The following CDC42SE2 variants were observed in gnomAD, a reference collection of about 807,000 sequenced individuals.
CDC42SE2 encodes CDC42 small effector protein 2.
A neutral mutation model predicts 11.5 loss-of-function variants in CDC42SE2; 3 were observed. The ratio of observed to expected loss-of-function variants is 0.26; its 90% CI spans 0.12 to 0.67. CDC42SE2 has a LOEUF of 0.67. CDC42SE2 is among the 30% of genes least tolerant of loss of function. The pLI is 0.80. For missense variants in CDC42SE2, 82 were observed against 106.8 expected, an observed-to-expected ratio of 0.77 and a Z score of 1.02; for synonymous variants, 33 against 34.8, an observed-to-expected ratio of 0.95 and a Z score of 0.18.
intron 1 of CDC42SE2, among the ~76,000 whole-genome samples, chr5:131,287,635 C>CT (rs940777864): frequency 7.3e-5 from 11 of 149,884 alleles, no homozygotes; most frequent in South Asian, 2.1e-4. Flanking sequence ...GCTTTTTTTT[C>CT]TTTTTTTTTG....
chr5:131,283,523 C>A (rs1270950748), intron 1 of CDC42SE2, among the ~76,000 whole-genome samples: 1 of 148,722 alleles, frequency 6.7e-6, no homozygotes, highest in Non-Finnish European at 1.5e-5. Flanking sequence ...GATGGAGTTT[C>A]GCTCTTGTTA....
intron 3 of CDC42SE2, among the ~76,000 whole-genome samples, chr5:131,379,996 C>T (rs1019606535): frequency 6.6e-6 from 1 of 150,804 alleles, no homozygotes; most frequent in Non-Finnish European, 1.5e-5. Flanking sequence ...TCACTGCAAC[C>T]TCTCCCCGCC....
At chr5:131,343,085 A>G (rs980446361) in intron 2 of CDC42SE2, among the ~76,000 whole-genome samples, 3 of 152,190 alleles carry the variant, frequency 2.0e-5, no homozygotes, top group African/African-American at 7.2e-5. Context: ...TTATTCAGAA[A>G]ACTGTACGTA....
upstream of CDC42SE2, chr5:131,263,551 T>C (rs1003005985): frequency 6.6e-6 from 1 of 152,242 alleles, no homozygotes; most frequent in Non-Finnish European, 1.5e-5. Flanking sequence ...TTCTGACTTT[T>C]ACATGAAAAA....
rs948516407 is a variant in CDC42SE2 at position 131,393,051 on chromosome 5, G to A, written c.*1960G>A. 45 of 152,324 alleles carry A rather than the reference G, an allele frequency of 3.0e-4. No homozygotes were observed. The highest frequency in any genetic ancestry group is 1.1e-3 in the African/African-American group (45 of 41,560). The allele number at this position is 152,324 out of a possible 1,614,324, so 9.4% of individuals were successfully genotyped here. A position where few individuals can be genotyped will look rare whatever the true frequency, so the allele number is the denominator to read the frequency against. On this transcript the variant is annotated 3_prime_UTR_variant, in exon 5 of 5. Coordinates refer to ENST00000505065, the MANE Select transcript of CDC42SE2 (RefSeq NM_001375635.1). ...TAAAGGTTTCTTCTTTTCTGTTAGAGTGTGGTGTTAAGCCAGAGTCAGTGG... is the reference window on the plus strand; with the variant it reads ...TAAAGGTTTCTTCTTTTCTGTTAGAATGTGGTGTTAAGCCAGAGTCAGTGG...
intron 3 of CDC42SE2, among the ~76,000 whole-genome samples, chr5:131,376,309 C>T (rs1050461391): frequency 6.6e-6 from 1 of 151,734 alleles, no homozygotes; most frequent in Non-Finnish European, 1.5e-5. Context: ...TGAGCAGTGG[C>T]TGAGACAAGA....
intron 2 of CDC42SE2, among the ~76,000 whole-genome samples, chr5:131,355,783 A>C (rs1749522137): frequency 1.3e-5 from 2 of 152,052 alleles, no homozygotes; most frequent in Non-Finnish European, 2.9e-5. Flanking sequence ...TTGGAAGTTG[A>C]CCTAAAAAGC....
intron 1 of CDC42SE2, among the ~76,000 whole-genome samples, chr5:131,305,485 G>T (rs983844643): frequency 3.3e-5 from 5 of 152,152 alleles, no homozygotes; most frequent in African/African-American, 9.7e-5. Context: ...AACATGGTCT[G>T]ATCAGTTGGC....
the CDC42SE2 span, among the ~76,000 whole-genome samples, chr5:131,224,635 A>AAACAGCAG: frequency 6.6e-6 from 1 of 152,060 alleles, no homozygotes; most frequent in South Asian, 2.1e-4. Flanking sequence ...TCCATTCTCA[A>AAACAGCAG]AACAGCAGCC....
intron 1 of CDC42SE2, among the ~76,000 whole-genome samples, chr5:131,307,924 T>G (rs1757814241): frequency 6.6e-6 from 1 of 152,226 alleles, no homozygotes; most frequent in Admixed American, 6.5e-5. Context: ...GTTTGTTTTT[T>G]GCTTGTAAAT....
rs1750629631 is a variant in CDC42SE2 at position 131,390,856 on chromosome 5, T to TA, written c.157-130dup. The stretch of plus-strand genomic sequence containing the variant: ...TTATAACTAGAAAATTGTTTGTCTA[T>TA]AAAAAAATTTTTGTCTATAAAAGTA... On this transcript the variant is annotated intron_variant, in intron 4 of 4. Transcript: ENST00000505065. 4 of 440,356 alleles carry TA rather than the reference T, an allele frequency of 9.1e-6. No individual in the cohort carries two copies. In the Admixed American group the frequency reaches 1.2e-4, roughly 13 times the overall value. 27.3% of individuals were successfully genotyped at this position (440,356 alleles called of 1,614,324 possible).
chr5:131,362,619 T>C (rs568919264), intron 3 of CDC42SE2, among the ~76,000 whole-genome samples: 1 of 152,300 alleles, frequency 6.6e-6, no homozygotes, highest in East Asian at 1.9e-4. Context: ...AACAACCCAA[T>C]ATTGGGAAGA....
intron 3 of CDC42SE2, among the ~76,000 whole-genome samples, chr5:131,379,200 C>G (rs1750243502): frequency 1.3e-5 from 2 of 152,216 alleles, no homozygotes; most frequent in South Asian, 2.1e-4. Flanking sequence ...GCTTTTTTCA[C>G]TGTCCCAGAT....
chr5:131,365,477 G>C (rs776594015), intron 3 of CDC42SE2, among the ~76,000 whole-genome samples: 1 of 152,076 alleles, frequency 6.6e-6, no homozygotes, highest in Non-Finnish European at 1.5e-5. Flanking sequence ...TAATAACCTC[G>C]TATGGCACAG....
intron 1 of CDC42SE2, among the ~76,000 whole-genome samples, chr5:131,315,018 C>T (rs1561581806): frequency 6.6e-6 from 1 of 151,960 alleles, no homozygotes; most frequent in South Asian, 2.1e-4. Flanking sequence ...AGCCAGTTGC[C>T]TTGGTGATGG....
chr5:131,282,929 C>CT lies in CDC42SE2; in HGVS notation c.-455+18778dup, dbSNP rs767091920. On this transcript the variant is annotated intron_variant, in intron 1 of 4. Transcript: ENST00000505065. ...CAAGTGTGAGCCACTGCACCTGGCCCTTTTTTTTTTTTTTTAAGATGGAGG... is the reference window on the plus strand; with the variant it reads ...CAAGTGTGAGCCACTGCACCTGGCCCTTTTTTTTTTTTTTTTAAGATGGAGG... 1.8e-3 allele frequency among the ~76,000 whole-genome samples: 230 copies of CT among 127,198 alleles called. 1 individual carries two copies. Among genetic ancestry groups the CT allele is most frequent in the East Asian group, 3.5e-3 (15 of 4,282 alleles). The allele number at this position is 127,198 out of a possible 152,430, so 83.4% of individuals were successfully genotyped here. A position where few individuals can be genotyped will look rare whatever the true frequency, so the allele number is the denominator to read the frequency against.
intron 2 of CDC42SE2, among the ~76,000 whole-genome samples, chr5:131,320,720 G>A (rs1010542193): frequency 2.0e-5 from 3 of 152,002 alleles, no homozygotes; most frequent in African/African-American, 2.4e-5. Context: ...CAGCCTGGGC[G>A]ACAGAGCGAG....
intron 2 of CDC42SE2, among the ~76,000 whole-genome samples, chr5:131,354,066 C>G (rs1195658418): frequency 1.3e-5 from 2 of 151,972 alleles, no homozygotes; most frequent in African/African-American, 4.8e-5. Context: ...ATAGTGAGAC[C>G]TTGTCTCTAC....
chr5:131,360,195 A>G (rs1268313966), intron 3 of CDC42SE2, among the ~76,000 whole-genome samples: 6 of 152,160 alleles, frequency 3.9e-5, no homozygotes, highest in African/African-American at 4.8e-5. Flanking sequence ...ATCTCGGCTC[A>G]CTGCAACTTC....
Sources: gnomAD v4.1 joint callset for allele counts (sites outside exome capture counted in the v4.1 genomes callset) on GRCh38, gnomAD v4.1.1 for gene constraint, MANE v1.5 for transcripts, NCBI Gene and HGNC (gene_info 2026-07-23, HGNC 2026-07-21) for gene names.